Variants in CFAP206 observed in about 807,000 individuals in gnomAD.
The protein encoded by CFAP206 is cilia- and flagella-associated protein 206.
A neutral mutation model predicts 65.4 loss-of-function variants in CFAP206; 53 were observed. That is an observed-to-expected ratio of 0.81 (90% confidence interval 0.65 to 1.02). CFAP206 has a LOEUF of 1.02. Ranked by LOEUF, CFAP206 falls within the 50% of genes least tolerant of loss-of-function variation. The pLI is 0.00. For synonymous variants in CFAP206, 250 were observed against 254.4 expected (o/e 0.98, Z 0.17); for missense variants, 663 against 753.2 (o/e 0.88, Z 1.40).
chr6:87,429,733 T>A (rs1224028024), intron 9 of CFAP206, among the ~76,000 whole-genome samples: 1 of 152,148 alleles, frequency 6.6e-6, no homozygotes, highest in Non-Finnish European at 1.5e-5. Flanking sequence ...GAGAGTTTTT[T>A]CAGAAACTGA....
At position 87,411,695 on chromosome 6, in the gene CFAP206, G is replaced by A. The variant is rs549317269; in HGVS notation, c.192+1027G>A. On this transcript the variant is annotated intron_variant, in intron 3 of 12. Transcript: ENST00000369562. ...CTTGAGTTGTTAATTTTTGTATATG[G>A]TGAGACATTGGGATGGGTTTCATTC... 2.0e-5 allele frequency among the ~76,000 whole-genome samples: 3 copies of A among 152,104 alleles called. No individual in the cohort carries two copies. The South Asian group carries it at 6.2e-4, about 32-fold the overall frequency.
chr6:87,414,076 C>T (rs1480996255), intron 4 of CFAP206, among the ~76,000 whole-genome samples, 176 bp downstream of exon 4: 1 of 151,988 alleles, frequency 6.6e-6, no homozygotes, highest in East Asian at 1.9e-4. Context: ...AAACCATTGG[C>T]CTTTGTGAGT....
rs771512289 is a variant in CFAP206, at chr6:87,415,754, G to A, written c.352G>A (p.Asp118Asn). The change falls in exon 5 of 13, where the codon GAT becomes AAT. Residue 118 changes from aspartate (D) to asparagine (N), a missense_variant. By Grantham distance (23) the Asp-to-Asn change is conservative. Coordinates refer to ENST00000369562, the MANE Select transcript of CFAP206 (RefSeq NM_001031743.3). The part of the protein sequence containing the change: ...RLGSVTREIT[D>N]NRACAKEELE... ...AGGCTCTGTTACCCGAGAAATTACA[G>A]ATAACAGAGCATGTGCTAAAGAAGA... 18 of 1,613,188 alleles carry A rather than the reference G, an allele frequency of 1.1e-5. No individual in the cohort carries two copies. The highest frequency in any genetic ancestry group is 1.2e-5 in the Non-Finnish European group (14 of 1,179,596).
rs10693817 is a variant in CFAP206, at chr6:87,427,982, C to CTTT, written c.961-624_961-622dup. Among the ~76,000 whole-genome samples, 167 of 93,856 alleles carry CTTT rather than the reference C, an allele frequency of 1.8e-3. 3 individuals carry two copies. The highest frequency in any genetic ancestry group is 6.8e-3 in the Middle Eastern group (1 of 146). 61.6% of individuals were successfully genotyped at this position (93,856 alleles called of 152,430 possible). A position where few individuals can be genotyped will look rare whatever the true frequency, so the allele number is the denominator to read the frequency against. ...TATTTTGCCACCTTGCTCCACCCTC[C>CTTT]TTTTTTTTTTTTTTTTTTTTTTGAG... On this transcript the variant is annotated intron_variant, in intron 8 of 12. Transcript: ENST00000369562.
chr6:87,413,791 A>T lies in CFAP206; in HGVS notation c.193-19A>T. 7.0e-7 allele frequency: 1 copy of T among 1,422,580 alleles called. No homozygotes were observed. The highest frequency in any genetic ancestry group is 2.1e-5 in the Admixed American group (1 of 47,688). The allele number at this position is 1,422,580 out of a possible 1,614,324, so 88.1% of individuals were successfully genotyped here. A position where few individuals can be genotyped will look rare whatever the true frequency, so the allele number is the denominator to read the frequency against. On this transcript the variant is annotated intron_variant, in intron 3 of 12. Coordinates refer to ENST00000369562, the MANE Select transcript of CFAP206 (RefSeq NM_001031743.3). Reference sequence around the variant, plus strand: ...TCAAAAACTATAACTAGAAGTATTCATGGGACATTCTTTTCTAGCTTTGTA... The same window carrying T: ...TCAAAAACTATAACTAGAAGTATTCTTGGGACATTCTTTTCTAGCTTTGTA...
intron 1 of CFAP206, chr6:87,408,914 T>A (rs1015085832): frequency 6.6e-6 from 1 of 152,194 alleles, no homozygotes; most frequent in African/African-American, 2.4e-5. Context: ...TACCTGATAT[T>A]GCCTTTGTTA....
At position 87,428,682 on chromosome 6, in the gene CFAP206, G is replaced by C. The variant is rs1476733293; in HGVS notation, c.1017G>C (p.Val339=). Residue 339 remains valine, a synonymous_variant, in exon 9 of 13, where the codon GTG becomes GTC. Transcript: ENST00000369562. ...CCAGCTTGCAAGACGAAACTATTGT[G>C]GTTGGTGTCCTCAGTAATTTATTCA... The part of the protein sequence containing the change: ...LWTSLQDETI[V]VGVLSNLFTH... The C allele has an allele frequency of 2.5e-6, 4 of 1,614,072 alleles. No individual in the cohort carries two copies.
rs116577809 is a variant in CFAP206 at position 87,450,353 on chromosome 6, G to A, written c.1495-10669G>A. ...ATTGTTTTTCTATTTCTTGAAGAAT[G>A]TCATTGGTATTATGATAGGGATTGC... On this transcript the variant is annotated intron_variant, in intron 11 of 12. Coordinates refer to ENST00000369562, the MANE Select transcript of CFAP206 (RefSeq NM_001031743.3). Among the ~76,000 whole-genome samples, 371 of 152,158 alleles carry A rather than the reference G, an allele frequency of 2.4e-3. 1 individual carries two copies. Among genetic ancestry groups the A allele is most frequent in the African/African-American group, 8.6e-3 (357 of 41,516 alleles).
chr6:87,454,929 T>A (rs1468415765), intron 11 of CFAP206, among the ~76,000 whole-genome samples: 1 of 151,654 alleles, frequency 6.6e-6, no homozygotes, highest in Non-Finnish European at 1.5e-5. Context: ...TTTTTTATTT[T>A]TTATTATTTT....
intron 11 of CFAP206, among the ~76,000 whole-genome samples, chr6:87,451,202 G>C (rs1350198526): frequency 6.6e-6 from 1 of 152,208 alleles, no homozygotes; most frequent in African/African-American, 2.4e-5. Context: ...GACCCAGTGA[G>C]ACACCAGCTA....
Position 87,464,014 on chromosome 6 carries a change from C to T in CFAP206, c.1639-6C>T. ...ATGTTAATTCCTGTATTCTCTTTCTCTTTAGGCTAATTTGCGCCAGAAAGT... is the reference window on the plus strand; with the variant it reads ...ATGTTAATTCCTGTATTCTCTTTCTTTTTAGGCTAATTTGCGCCAGAAAGT... On this transcript the variant is annotated splice_polypyrimidine_tract_variant and splice_region_variant and intron_variant, in intron 12 of 12. Transcript: ENST00000369562. 1 of 1,603,260 alleles carries T rather than the reference C, an allele frequency of 6.2e-7. No homozygotes were observed. Among genetic ancestry groups the T allele is most frequent in the Non-Finnish European group, 8.5e-7 (1 of 1,171,822 alleles).
At chr6:87,449,368 C>T (rs1025924963) in intron 11 of CFAP206, among the ~76,000 whole-genome samples, 9 of 137,004 alleles carry the variant, frequency 6.6e-5, no homozygotes, top group Admixed American at 3.4e-4. Context: ...ACCCAGGAGG[C>T]GAAGCTTGCA....
At chr6:87,416,334 C>T (rs950322544) in intron 5 of CFAP206, among the ~76,000 whole-genome samples, 4 of 152,206 alleles carry the variant, frequency 2.6e-5, no homozygotes, top group Admixed American at 2.0e-4. Flanking sequence ...AAATGTCTAG[C>T]TCTCCTATGG....
Position 87,418,276 on chromosome 6 carries a change from C to G in CFAP206, c.700C>G (p.Arg234Gly), listed in dbSNP as rs140079201. Residue 234 changes from arginine (R) to glycine (G), a missense_variant, in exon 7 of 13, where the codon CGG becomes GGG. Coordinates refer to ENST00000369562, the MANE Select transcript of CFAP206 (RefSeq NM_001031743.3). ...TATTGATTACCAGCTTGAGACTGCC[C>G]GGAGCCAGGTATACCGCTACACAGC... Reference protein sequence around the residue: ...QHIDYQLETARSQVYRYTAIL... With the variant: ...QHIDYQLETAGSQVYRYTAIL... 1.4e-5 allele frequency: 22 copies of G among 1,614,064 alleles called. No individual in the cohort carries two copies. Among genetic ancestry groups the G allele is most frequent in the Admixed American group, 1.3e-4 (8 of 60,014 alleles).
At chr6:87,417,415 A>C (rs757563420) in intron 6 of CFAP206, among the ~76,000 whole-genome samples, 1 of 152,150 alleles carries the variant, frequency 6.6e-6, no homozygotes, top group Non-Finnish European at 1.5e-5. Context: ...CCAAATCACT[A>C]ATCTAGTATA....
chr6:87,408,292 T>G (rs1767660985), intron 1 of CFAP206, among the ~76,000 whole-genome samples: 1 of 152,248 alleles, frequency 6.6e-6, no homozygotes, highest in Non-Finnish European at 1.5e-5. Context: ...ACCCCAGGGC[T>G]GCAGGGCTGC....
chr6:87,451,457 G>A (rs1768541588), intron 11 of CFAP206, among the ~76,000 whole-genome samples: 1 of 152,130 alleles, frequency 6.6e-6, no homozygotes, highest in Admixed American at 6.5e-5. Flanking sequence ...CAAGGACCCA[G>A]TTTTGGCAGA....
Position 87,418,229 on chromosome 6 carries a change from C to T in CFAP206, c.653C>T (p.Ala218Val). 1 of 1,614,154 alleles carries T rather than the reference C, an allele frequency of 6.2e-7. No homozygotes were observed. The highest frequency in any genetic ancestry group is 8.5e-7 in the Non-Finnish European group (1 of 1,180,028). ...ACAGTGCCAGCTGTTCTCCATGTAG[C>T]AATCCCAGCCACCATGCAGCATATT... ...IDDLPAVLHV[A>V]IPATMQHIDY... The change falls in exon 7 of 13, where the codon GCA (alanine) becomes GTA (valine). Residue 218 changes from alanine to valine, a missense_variant. Coordinates refer to ENST00000369562, the MANE Select transcript of CFAP206 (RefSeq NM_001031743.3).
At chr6:87,435,299 A>G (rs1309478710) in intron 11 of CFAP206, 3 of 323,390 alleles carry the variant, frequency 9.3e-6, no homozygotes, top group Middle Eastern at 9.5e-4. Context: ...GAACAACTTC[A>G]TTGACTTATA....
Sources: gnomAD v4.1 joint callset for allele counts (sites outside exome capture counted in the v4.1 genomes callset) on GRCh38, gnomAD v4.1.1 for gene constraint, MANE v1.5 for transcripts, NCBI Gene and HGNC (gene_info 2026-07-23, HGNC 2026-07-21) for gene names.